The following FBXO25 variants were observed in gnomAD, a reference collection of about 807,000 sequenced individuals.
The protein encoded by FBXO25 is F-box only protein 25.
A neutral mutation model predicts 51.9 loss-of-function variants in FBXO25; 45 were observed. That is an observed-to-expected ratio of 0.87 (90% CI 0.68 to 1.11). The LOEUF is 1.11. Among genes scored for constraint, FBXO25 ranks in the 50% most tolerant of loss-of-function variants. The probability of loss-of-function intolerance (pLI) is 0.00; values close to 1 mark genes in which losing one functional copy is unlikely to be tolerated. For missense variants in FBXO25, 507 were observed against 428.5 expected, an observed-to-expected ratio of 1.18 and a Z score of -1.62; for synonymous variants, 199 against 151.0, an observed-to-expected ratio of 1.32 and a Z score of -2.33.
At chr8:428,991 G>C (rs1340482484) in intron 2 of FBXO25, among the ~76,000 whole-genome samples, 1 of 152,168 alleles carries the variant, frequency 6.6e-6, no homozygotes, top group Non-Finnish European at 1.5e-5. Flanking sequence ...AAGTAATACT[G>C]CTATGAACGT....
intron 2 of FBXO25, among the ~76,000 whole-genome samples, chr8:421,545 G>C (rs1311898424): frequency 2.6e-5 from 4 of 152,238 alleles, no homozygotes; most frequent in Non-Finnish European, 5.9e-5. Flanking sequence ...GATGGTGCTA[G>C]AGTTATCCTG....
intron 7 of FBXO25, among the ~76,000 whole-genome samples, chr8:453,110 CAGA>C (rs1320171851): frequency 1.3e-5 from 2 of 152,154 alleles, no homozygotes; most frequent in Admixed American, 6.5e-5. Flanking sequence ...TGCCTCAGCA[CAGA>C]AGGATAGGTG....
intron 4 of FBXO25, among the ~76,000 whole-genome samples, chr8:433,448 G>T (rs1239762907): frequency 6.6e-6 from 1 of 152,100 alleles, no homozygotes; most frequent in African/African-American, 2.4e-5. Flanking sequence ...TGTTTTGGAG[G>T]GCAGGGCATC....
At position 477,105 on chromosome 8, in the gene FBXO25, C is replaced by CTGT. The variant is rs1195424265; in HGVS notation, c.*8303_*8305dup. ...AATTGTGTACTTTTCAGTTTTTTGT[C>CTGT]TGTTACTGATTTCTAGTTTCATCCC... On this transcript the variant is annotated 3_prime_UTR_variant, in exon 10 of 10. Coordinates refer to ENST00000350302, the MANE Select transcript of FBXO25 (RefSeq NM_183420.2). The CTGT allele has an allele frequency of 1.3e-5, 2 of 152,072 alleles. No individual in the cohort carries two copies. Among genetic ancestry groups the CTGT allele is most frequent in the Non-Finnish European group, 2.9e-5 (2 of 68,012 alleles). 9.4% of individuals were successfully genotyped at this position (152,072 alleles called of 1,614,324 possible).
chr8:421,743 T>C (rs549294822), intron 2 of FBXO25, among the ~76,000 whole-genome samples: 1 of 152,254 alleles, frequency 6.6e-6, no homozygotes, highest in East Asian at 1.9e-4. Context: ...TGGTGGATCC[T>C]AAGGGCTCCT....
At chr8:425,769 C>T (rs1797435693) in intron 2 of FBXO25, among the ~76,000 whole-genome samples, 1 of 151,908 alleles carries the variant, frequency 6.6e-6, no homozygotes, top group Non-Finnish European at 1.5e-5. Flanking sequence ...TGAGCCAATC[C>T]AAGACTGTTT....
At position 418,193 on chromosome 8, in the gene FBXO25, G is replaced by A. The variant is rs370055261; in HGVS notation, c.134+4980G>A. Among the ~76,000 whole-genome samples the A allele has an allele frequency of 8.9e-4, 136 of 152,188 alleles. 1 individual carries two copies. The highest frequency in any genetic ancestry group is 3.2e-3 in the African/African-American group (131 of 41,500). ...TGCTGTCTGCTCCCATGCCATCTGC[G>A]TTTTGGGGACAGTGCACAAGGTGTT... On this transcript the variant is annotated intron_variant, in intron 2 of 9. Transcript: ENST00000350302.
intron 7 of FBXO25, among the ~76,000 whole-genome samples, chr8:454,543 A>T (rs1799295136): frequency 6.6e-6 from 1 of 152,188 alleles, no homozygotes; most frequent in African/African-American, 2.4e-5. Context: ...ACAGATATGC[A>T]CACAGGGCTG....
At chr8:425,892 CTTTTTT>C in intron 2 of FBXO25, among the ~76,000 whole-genome samples, 1 of 139,480 alleles carries the variant, frequency 7.2e-6, no homozygotes, top group African/African-American at 2.6e-5. Flanking sequence ...TTTCTTCCTC[CTTTTTT>C]TTTTTTTTTT....
intron 9 of FBXO25, chr8:468,147 C>G (rs972145337): frequency 5.6e-5 from 58 of 1,030,712 alleles, no homozygotes; most frequent in Non-Finnish European, 6.6e-5. Context: ...TCTGTCGTCA[C>G]TTCTCATATT....
At chr8:435,422 G>T (rs1276347670) in intron 4 of FBXO25, 193 bp from the exon 5 acceptor site, 2 of 629,148 alleles carry the variant, frequency 3.2e-6, no homozygotes, top group Non-Finnish European at 5.4e-6. Context: ...GGTGTCTCAG[G>T]TATACATAAA....
chr8:435,728 A>G (rs1798066222), intron 5 of FBXO25, 21 bp downstream of exon 5: 4 of 1,561,690 alleles, frequency 2.6e-6, no homozygotes, highest in Non-Finnish European at 3.5e-6. Flanking sequence ...TATTTCAAAA[A>G]CTACTTTGAT....
chr8:435,552 GACATTA>G (rs1444097141), intron 4 of FBXO25, 57 bp from the exon 5 acceptor site: 1 of 1,564,894 alleles, frequency 6.4e-7, no homozygotes, highest in Non-Finnish European at 8.6e-7. Flanking sequence ...ACAATTAATT[GACATTA>G]ACTGCCAATT....
chr8:449,313 C>G (rs554279559), intron 5 of FBXO25, among the ~76,000 whole-genome samples: 30 of 152,218 alleles, frequency 2.0e-4, no homozygotes, highest in Non-Finnish European at 3.7e-4. Context: ...CAGGGCATCC[C>G]TGGAGGGGCA....
In FBXO25 at chr8:471,847, C is replaced by CA. The variant is rs944575870; in HGVS notation, c.*3044dup. ...GTATGCACTGTGTGTGCGTACTGTA[C>CA]AGGGCTGTACACAGCAAACTGTGTC... On this transcript the variant is annotated 3_prime_UTR_variant, in exon 10 of 10. Coordinates refer to ENST00000350302, the MANE Select transcript of FBXO25 (RefSeq NM_183420.2). 2.6e-5 allele frequency: 4 copies of CA among 152,208 alleles called. No individual in the cohort carries two copies. The highest frequency in any genetic ancestry group is 9.7e-5 in the African/African-American group (4 of 41,440). 9.4% of individuals were successfully genotyped at this position (152,208 alleles called of 1,614,324 possible). A position where few individuals can be genotyped will look rare whatever the true frequency, so the allele number is the denominator to read the frequency against.
chr8:459,105 C>T (rs975488706), intron 8 of FBXO25, among the ~76,000 whole-genome samples: 3 of 152,206 alleles, frequency 2.0e-5, no homozygotes, highest in Non-Finnish European at 4.4e-5. Context: ...CGATGAGACC[C>T]TGTGGTCCCT....
chr8:412,619 C>T (rs1231152738), intron 1 of FBXO25, among the ~76,000 whole-genome samples: 3 of 152,216 alleles, frequency 2.0e-5, no homozygotes, highest in African/African-American at 7.2e-5. Context: ...CCTTAAATGA[C>T]TTCTCCATCC....
rs186044411 is a variant in FBXO25 at position 462,549 on chromosome 8, T to A, written c.844-458T>A. Among the ~76,000 whole-genome samples the A allele has an allele frequency of 3.7e-3, 567 of 152,314 alleles. 1 individual carries two copies. The highest frequency in any genetic ancestry group is 0.013 in the African/African-American group (542 of 41,558). ...CACTTATTGATTTAACCCAAGTGAG[T>A]TTAATTTCAAATAATTGTTTTATGT... On this transcript the variant is annotated intron_variant, in intron 8 of 9. Coordinates refer to ENST00000350302, the MANE Select transcript of FBXO25 (RefSeq NM_183420.2).
rs1800584574 is a variant in FBXO25 at position 474,495 on chromosome 8, G to A, written c.*5691G>A. The A allele has an allele frequency of 6.0e-6, 2 of 334,190 alleles. No homozygotes were observed. The highest frequency in any genetic ancestry group is 2.2e-5 in the African/African-American group (1 of 45,600). 20.7% of individuals were successfully genotyped at this position (334,190 alleles called of 1,614,324 possible). A position where few individuals can be genotyped will look rare whatever the true frequency, so the allele number is the denominator to read the frequency against. ...GCCATAAGTGTTTTACACGGTGGCTGCACCATTTTACATTCCCACTGAAGG... is the reference window on the plus strand; with the variant it reads ...GCCATAAGTGTTTTACACGGTGGCTACACCATTTTACATTCCCACTGAAGG... On this transcript the variant is annotated 3_prime_UTR_variant, in exon 10 of 10. Coordinates refer to ENST00000350302, the MANE Select transcript of FBXO25 (RefSeq NM_183420.2).
Sources: allele counts gnomAD v4.1 joint callset (sites outside exome capture counted in the v4.1 genomes callset), GRCh38; gene constraint gnomAD v4.1.1; transcripts MANE v1.5; gene names NCBI Gene and HGNC (gene_info 2026-07-23, HGNC 2026-07-21).